Variants in NXF1 observed in about 807,000 individuals in gnomAD.
NXF1 encodes mRNA export factor TAP.
A neutral mutation model predicts 92.4 loss-of-function variants in NXF1; 43 were observed. The ratio of observed to expected loss-of-function variants is 0.47; its 90% CI spans 0.36 to 0.60. The LOEUF (loss-of-function observed/expected upper bound fraction) is 0.60, where lower values mean the gene tolerates loss of function less well. Ranked by LOEUF, NXF1 falls within the 20% of genes least tolerant of loss-of-function variation. The probability of loss-of-function intolerance (pLI) is 0.00; values close to 1 mark genes in which losing one functional copy is unlikely to be tolerated. For synonymous variants in NXF1, 288 were observed against 292.2 expected (o/e 0.99, Z 0.15); for missense variants, 576 against 793.0 (o/e 0.73, Z 3.29).
intron 10 of NXF1, chr11:62,799,937 T>C: frequency 1.0e-6 from 1 of 995,480 alleles, no homozygotes; most frequent in Non-Finnish European, 1.2e-6. Flanking sequence ...GCCATCACAG[T>C]ACAAAGGAGG....
At chr11:62,796,668 A>C in intron 13 of NXF1, 101 bp from the exon 14 acceptor site, 2 of 762,060 alleles carry the variant, frequency 2.6e-6, no homozygotes, top group East Asian at 5.3e-5. Flanking sequence ...ATGGAAGCTC[A>C]TGCCTGTAAT....
intron 5 of NXF1, 52 bp downstream of exon 5, chr11:62,801,889 CT>C (rs2084482893): frequency 6.2e-7 from 1 of 1,603,384 alleles, no homozygotes; most frequent in Admixed American, 1.7e-5. Context: ...GACCCAGTCC[CT>C]GCTCTGAGCA....
In NXF1 at chr11:62,805,435, C is replaced by T. The variant is rs1333917715; in HGVS notation, c.-79G>A. On this transcript the variant is annotated 5_prime_UTR_variant, in exon 1 of 21. Coordinates refer to ENST00000294172, the MANE Select transcript of NXF1 (RefSeq NM_006362.5). ...AACCTAACTCCCAAGCGCTCAGGAC[C>T]GAAGTGTCCCTACGCCGGGCGCCAC... 1.0e-5 allele frequency: 16 copies of T among 1,592,194 alleles called. No homozygotes were observed. The Admixed American group carries it at 1.0e-4, about 10-fold the overall frequency.
At chr11:62,805,241 G>A in intron 1 of NXF1, 88 bp downstream of exon 1, 2 of 1,338,818 alleles carry the variant, frequency 1.5e-6, no homozygotes, top group South Asian at 3.6e-5. Context: ...GCCCCTAGCG[G>A]CCTCACGCCC....
chr11:62,797,608 A>C (rs2084434450), intron 11 of NXF1, among the ~76,000 whole-genome samples: 1 of 152,138 alleles, frequency 6.6e-6, no homozygotes, highest in Non-Finnish European at 1.5e-5. Context: ...TGGGAGGCTG[A>C]AGTGGGAGGA....
intron 3 of NXF1, among the ~76,000 whole-genome samples, chr11:62,802,829 C>T (rs1027528328): frequency 6.6e-6 from 1 of 151,462 alleles, no homozygotes; most frequent in Middle Eastern, 3.2e-3. Context: ...CCTCAGAGAA[C>T]TCCAGGGCAC....
chr11:62,802,887 C>G lies in NXF1; in HGVS notation c.369+532G>C, dbSNP rs371276025. On this transcript the variant is annotated intron_variant, in intron 3 of 20. Coordinates refer to ENST00000294172, the MANE Select transcript of NXF1 (RefSeq NM_006362.5). Reference sequence around the variant, plus strand: ...CTCAGCCTGAGCCAAATGAAGACATCCAGAGGAATTACTCCCTCCCCCAAC... The same window carrying G: ...CTCAGCCTGAGCCAAATGAAGACATGCAGAGGAATTACTCCCTCCCCCAAC... Among the ~76,000 whole-genome samples, 57 of 152,310 alleles carry G rather than the reference C, an allele frequency of 3.7e-4. No individual in the cohort carries two copies. The South Asian group carries it at 0.011, about 28-fold the overall frequency.
At position 62,801,760 on chromosome 11, in the gene NXF1, T is replaced by C. The variant is rs1181930263; in HGVS notation, c.618A>G (p.Pro206=). ...PPHTILNELK[P]EQVEQLKLIM... ...TCACCTTTAGCTGTTCTACTTGTTC[T>C]GGCTTCAGTTCATTCAGTATAGTGT... is the stretch of plus-strand genomic sequence containing the variant. Residue 206 remains proline (P), a synonymous_variant, in exon 6 of 21, where the codon CCA becomes CCG. Transcript: ENST00000294172. 1.9e-6 allele frequency: 3 copies of C among 1,614,032 alleles called. No homozygotes were observed. In the East Asian group the frequency reaches 6.7e-5, roughly 36 times the overall value.
intron 6 of NXF1, 33 bp downstream of exon 6, chr11:62,801,706 G>A (rs745978586): frequency 6.2e-7 from 1 of 1,609,672 alleles, no homozygotes; most frequent in East Asian, 2.2e-5. Context: ...TAGTAAGACT[G>A]GGTTGGAAAC....
intron 10 of NXF1, chr11:62,798,921 GGGAGCCCA>G: frequency 9.1e-7 from 1 of 1,096,568 alleles, no homozygotes; most frequent in East Asian, 5.8e-5. Flanking sequence ...GGAATGGGGT[GGGAGCCCA>G]GGGGCTCCGC....
chr11:62,800,612 T>C (rs1165525650), intron 9 of NXF1, 126 bp from the exon 10 acceptor site: 8 of 640,262 alleles, frequency 1.2e-5, no homozygotes, highest in Middle Eastern at 4.3e-4. Context: ...TTTCTTTTTT[T>C]TTTTTTTTTG....
intron 19 of NXF1, among the ~76,000 whole-genome samples, chr11:62,793,140 G>A (rs541937751): frequency 5.0e-4 from 76 of 151,430 alleles, no homozygotes; most frequent in African/African-American, 1.7e-3. Context: ...GTGCAGTGGC[G>A]TGATCTCGGC....
chr11:62,794,833 T>G, intron 18 of NXF1, 102 bp downstream of exon 18: 1 of 1,057,670 alleles, frequency 9.5e-7, no homozygotes, highest in Non-Finnish European at 1.4e-6. Context: ...GATTTCCTGT[T>G]GCCTTTCTGA....
At chr11:62,801,698 G>C (rs776582183) in intron 6 of NXF1, 41 bp downstream of exon 6, 1 of 1,609,138 alleles carries the variant, frequency 6.2e-7, no homozygotes, top group Non-Finnish European at 8.5e-7. Context: ...GTGAGAAGTA[G>C]TAAGACTGGG....
chr11:62,799,755 C>T, intron 10 of NXF1: 1 of 985,956 alleles, frequency 1.0e-6, no homozygotes, highest in South Asian at 4.7e-5. Context: ...CTGGTCACAT[C>T]TTGGGGAACC....
chr11:62,799,445 C>A, intron 10 of NXF1: 1 of 985,770 alleles, frequency 1.0e-6, no homozygotes, highest in Non-Finnish European at 1.2e-6. Context: ...GGGTTCAGGC[C>A]CCTGTAGGAT....
At chr11:62,796,807 G>A (rs939714344) in intron 13 of NXF1, 3 of 551,400 alleles carry the variant, frequency 5.4e-6, no homozygotes, top group Admixed American at 3.1e-5. Flanking sequence ...GGTGGCTCAC[G>A]CCTCTAATCC....
chr11:62,800,159 GCAAA>G, intron 10 of NXF1: 1 of 1,398,888 alleles, frequency 7.1e-7, no homozygotes, highest in Non-Finnish European at 9.3e-7. Flanking sequence ...CACAGACCCA[GCAAA>G]CAGATAGTCA....
chr11:62,803,946 T>C lies in NXF1; in HGVS notation c.61A>G (p.Arg21Gly). The C allele has an allele frequency of 6.2e-7, 1 of 1,614,002 alleles. No homozygotes were observed. Among genetic ancestry groups the C allele is most frequent in the East Asian group, 2.2e-5 (1 of 44,890 alleles). ...AAGGGACCCCGGCCTTTCTTCTTTC[T>C]TTGAGGGAAATTAACGCGTTCATCA... ...HDDERVNFPQRKKKGRGPFRW... is the reference protein window; with the variant it reads ...HDDERVNFPQGKKKGRGPFRW... The change falls in exon 2 of 21, where the codon AGA (arginine) becomes GGA (glycine). Residue 21 changes from arginine (R) to glycine (G), a missense_variant. This residue lies in a region of NXF1 where 151 missense variants were observed against 157.8 expected (regional missense o/e 0.96). Transcript: ENST00000294172.
Sources: allele counts gnomAD v4.1 joint callset (sites outside exome capture counted in the v4.1 genomes callset), GRCh38; gene constraint gnomAD v4.1.1; regional missense constraint gnomAD v4.1.1; transcripts MANE v1.5; gene names NCBI Gene and HGNC (gene_info 2026-07-23, HGNC 2026-07-21).